KAZN: variants seen among roughly 807,000 people sequenced by gnomAD.
KAZN encodes the protein kazrin.
Under a neutral mutation model 87.4 loss-of-function variants are expected in KAZN, and 40 were observed. That is an observed-to-expected ratio of 0.46 (90% CI 0.36 to 0.60). The LOEUF (loss-of-function observed/expected upper bound fraction) is 0.60. Among genes scored for constraint, KAZN ranks in the 20% least tolerant of loss-of-function variants. The pLI is 0.00. For missense variants in KAZN, 898 were observed against 1,073.9 expected (o/e 0.84, Z 2.29); for synonymous variants, 466 against 458.3 (o/e 1.02, Z -0.22).
At chr1:14,149,275 G>A (rs1253930561) in intron 1 of KAZN, among the ~76,000 whole-genome samples, 1 of 112,348 alleles carries the variant, frequency 8.9e-6, no homozygotes, top group Non-Finnish European at 1.9e-5. Flanking sequence ...CTAATTTTTT[G>A]TATTTTTTTT....
At chr1:13,953,957 T>C (rs1206764768) in intron 1 of KAZN, among the ~76,000 whole-genome samples, 4 of 152,350 alleles carry the variant, frequency 2.6e-5, no homozygotes, top group African/African-American at 9.6e-5. Context: ...CCCCAAACCA[T>C]GGCAGGTTTG....
At chr1:14,745,759 C>T (rs923574953) in intron 1 of KAZN, among the ~76,000 whole-genome samples, 3 of 152,120 alleles carry the variant, frequency 2.0e-5, no homozygotes, top group African/African-American at 7.2e-5. Context: ...TCCGGAGCTT[C>T]GTTTAGACAA....
At chr1:14,080,497 T>C (rs879838009) in intron 1 of KAZN, among the ~76,000 whole-genome samples, 2 of 141,384 alleles carry the variant, frequency 1.4e-5, no homozygotes, top group Non-Finnish European at 3.2e-5. Context: ...TAGAGAGAGA[T>C]TTTGCTGTAT....
chr1:15,068,747 G>C (rs889723356), intron 8 of KAZN, among the ~76,000 whole-genome samples: 2 of 151,914 alleles, frequency 1.3e-5, no homozygotes, highest in Non-Finnish European at 2.9e-5. Context: ...GGGTACCCGG[G>C]TTACCCCAAA....
chr1:14,457,746 A>T (rs755649132), intron 2 of KAZN, among the ~76,000 whole-genome samples: 8 of 151,994 alleles, frequency 5.3e-5, no homozygotes, highest in Admixed American at 1.3e-4. Flanking sequence ...ATCATATTGC[A>T]TGTTCTTTAA....
intron 1 of KAZN, among the ~76,000 whole-genome samples, chr1:14,887,934 C>T (rs960825178): frequency 3.3e-5 from 5 of 151,780 alleles, no homozygotes; most frequent in Non-Finnish European, 7.4e-5. Flanking sequence ...AAGGGAACCT[C>T]ACTAGCACTG....
chr1:14,212,290 G>A (rs1052509787), intron 2 of KAZN, among the ~76,000 whole-genome samples: 2 of 152,120 alleles, frequency 1.3e-5, no homozygotes, highest in African/African-American at 2.4e-5. Flanking sequence ...TGTGATTGAC[G>A]AAACCTCTCT....
chr1:14,228,126 C>G (rs1396251727), intron 2 of KAZN, among the ~76,000 whole-genome samples: 1 of 152,052 alleles, frequency 6.6e-6, no homozygotes, highest in Non-Finnish European at 1.5e-5. Context: ...TTCAGCTCAC[C>G]TCTTCCACTC....
intron 1 of KAZN, among the ~76,000 whole-genome samples, chr1:14,942,025 C>G (rs1264569393): frequency 6.6e-6 from 1 of 152,188 alleles, no homozygotes; most frequent in Non-Finnish European, 1.5e-5. Context: ...GCCCACTATA[C>G]AGGGCTTGTT....
In KAZN at chr1:13,938,445, A is replaced by C. The variant is rs114266022; in HGVS notation, c.91+44689A>C. Among the ~76,000 whole-genome samples the C allele has an allele frequency of 3.0e-3, 464 of 152,248 alleles. 3 individuals carry two copies. The highest frequency in any genetic ancestry group is 0.011 in the African/African-American group (439 of 41,514). ...TTGGAGGAGCCTTTAGGGTTTTCTAAGTGTAAGATTATATTATTTGTGAAC... is the reference window on the plus strand; with the variant it reads ...TTGGAGGAGCCTTTAGGGTTTTCTACGTGTAAGATTATATTATTTGTGAAC... On this transcript the variant is annotated intron_variant, in intron 1 of 16. Transcript: ENST00000636203.
At chr1:14,509,394 G>C (rs1670781638) in intron 2 of KAZN, among the ~76,000 whole-genome samples, 1 of 152,148 alleles carries the variant, frequency 6.6e-6, no homozygotes, top group Non-Finnish European at 1.5e-5. Context: ...CAAGCGCATG[G>C]TCTTTCCACC....
chr1:13,959,543 T>G (rs1341978362), intron 1 of KAZN, among the ~76,000 whole-genome samples: 1 of 152,350 alleles, frequency 6.6e-6, no homozygotes, highest in Non-Finnish European at 1.5e-5. Flanking sequence ...AGTCCATCCC[T>G]CTGATCCTAT....
intron 2 of KAZN, among the ~76,000 whole-genome samples, chr1:14,455,061 A>AGAG (rs35057215): frequency 6.6e-6 from 1 of 151,446 alleles, no homozygotes; most frequent in Non-Finnish European, 1.5e-5. Context: ...TCCCCAGAGA[A>AGAG]AGAGATCCAA....
chr1:14,614,930 T>C (rs933854168), intron 1 of KAZN, among the ~76,000 whole-genome samples: 8 of 152,220 alleles, frequency 5.3e-5, no homozygotes, highest in African/African-American at 1.9e-4. Context: ...GGCAAGTTGC[T>C]TTACTAAAAT....
At position 14,504,955 on chromosome 1, in the gene KAZN, T is replaced by A. The variant is rs1161503346; in HGVS notation, c.250-94028T>A. Among the ~76,000 whole-genome samples the A allele has an allele frequency of 2.0e-5, 3 of 152,176 alleles. No individual in the cohort carries two copies. The East Asian group carries it at 5.8e-4, about 29-fold the overall frequency. On this transcript the variant is annotated intron_variant, in intron 2 of 16. Transcript: ENST00000636203. ...GACCTGATTAGAAGGTTACAGGGTG[T>A]CCCTGGAAACCCAAGGGCAGTGGAG...
intron 2 of KAZN, among the ~76,000 whole-genome samples, chr1:14,981,732 T>C (rs1666270345): frequency 6.6e-6 from 1 of 152,232 alleles, no homozygotes; most frequent in African/African-American, 2.4e-5. Flanking sequence ...TGTGCGACTG[T>C]CCATGGCAGC....
intron 1 of KAZN, among the ~76,000 whole-genome samples, chr1:14,746,548 G>A (rs911478025): frequency 2.6e-5 from 4 of 152,010 alleles, no homozygotes; most frequent in African/African-American, 9.7e-5. Context: ...GATGATCCGG[G>A]AAGGCTTCTC....
At chr1:14,390,193 T>C (rs12741865) in intron 2 of KAZN, among the ~76,000 whole-genome samples, 16,184 of 152,290 alleles carry the variant, frequency 0.11, 1,133 homozygotes, top group Non-Finnish European at 0.16. Context: ...ATTGAGCCTC[T>C]ACTAGGTGCT....
At chr1:14,370,596 A>C (rs1450580408) in intron 2 of KAZN, among the ~76,000 whole-genome samples, 1 of 152,152 alleles carries the variant, frequency 6.6e-6, no homozygotes, top group African/African-American at 2.4e-5. Context: ...TGCCTCTTTT[A>C]CATGTGTGTC....
Sources: allele counts gnomAD v4.1 joint callset (sites outside exome capture counted in the v4.1 genomes callset), GRCh38; gene constraint gnomAD v4.1.1; transcripts MANE v1.5; gene names NCBI Gene and HGNC (gene_info 2026-07-23, HGNC 2026-07-21).